The following MTSS2 variants were observed in gnomAD, a reference collection of about 807,000 sequenced individuals.
MTSS2 encodes MTSS I-BAR domain containing 2.
Under a neutral mutation model 67.1 loss-of-function variants are expected in MTSS2, and 27 were observed. The ratio of observed to expected loss-of-function variants is 0.40; its 90% CI spans 0.30 to 0.55. MTSS2 has a LOEUF of 0.55. MTSS2 is among the 20% of genes least tolerant of loss of function. The pLI, the probability that MTSS2 is intolerant of heterozygous loss-of-function variation, is 0.43. For missense variants in MTSS2, 1,171 were observed against 1,067.8 expected (o/e 1.10, Z -1.35); for synonymous variants, 624 against 468.6 (o/e 1.33, Z -4.28).
chr16:70,676,871 C>A lies in MTSS2; in HGVS notation c.830+10G>T, dbSNP rs1333036898. The stretch of plus-strand genomic sequence containing the variant: ...CCCCCCACACCCCTGGGAACCCCAC[C>A]CCCACTGACCTGCACATGCTGGACT... On this transcript the variant is annotated intron_variant, in intron 10 of 14. Transcript: ENST00000338779. 6.2e-7 allele frequency: 1 copy of A among 1,611,636 alleles called. No individual in the cohort carries two copies. Among genetic ancestry groups the A allele is most frequent in the African/African-American group, 1.3e-5 (1 of 74,862 alleles).
intron 4 of MTSS2, 44 bp downstream of exon 4, chr16:70,679,927 G>GGCCCCCCCCCCC: frequency 1.3e-6 from 2 of 1,491,350 alleles, no homozygotes; most frequent in Non-Finnish European, 1.8e-6. Flanking sequence ...CCCCCGCGAC[G>GGCCCCCCCCCCC]CCCCGTCCCC....
rs1180813764 is a variant in MTSS2, at chr16:70,685,765, G to A, written c.27C>T (p.Gly9=). 1.4e-6 allele frequency: 2 copies of A among 1,390,854 alleles called. No individual in the cohort carries two copies. Among genetic ancestry groups the A allele is most frequent in the African/African-American group, 1.5e-5 (1 of 66,274 alleles). The allele number at this position is 1,390,854 out of a possible 1,614,324, so 86.2% of individuals were successfully genotyped here. A position where few individuals can be genotyped will look rare whatever the true frequency, so the allele number is the denominator to read the frequency against. The part of the protein sequence containing the change: METAEKEC[G]ALGGLFQAIV... ...TGGCCTGGAAGAGCCCGCCCAGGGCGCCGCACTCCTTCTCCGCCGTCTCCA... is the reference window on the plus strand; with the variant it reads ...TGGCCTGGAAGAGCCCGCCCAGGGCACCGCACTCCTTCTCCGCCGTCTCCA... The change falls in exon 1 of 15, where the codon GGC becomes GGT. Residue 9 remains glycine (G), a synonymous_variant. Transcript: ENST00000338779.
Position 70,679,637 on chromosome 16 carries a change from C to G in MTSS2, c.450G>C (p.Ala150=). ...GGCCGCGCCAGGCACTACCTTTGCGCGCCTTCTTCTGCAGCTTCAGCGTGT... is the reference window on the plus strand; with the variant it reads ...GGCCGCGCCAGGCACTACCTTTGCGGGCCTTCTTCTGCAGCTTCAGCGTGT... ...SSDTLKLQKK[A]RKELLGKGDL... is the part of the protein sequence containing the mutation. The change falls in exon 6 of 15, where the codon GCG becomes GCC. Residue 150 remains alanine, a synonymous_variant. Coordinates refer to ENST00000338779, the MANE Select transcript of MTSS2 (RefSeq NM_138383.3). 6.2e-7 allele frequency: 1 copy of G among 1,604,550 alleles called. No homozygotes were observed. The highest frequency in any genetic ancestry group is 1.7e-5 in the Admixed American group (1 of 58,932).
At chr16:70,674,883 C>G (rs1036272718) in intron 10 of MTSS2, among the ~76,000 whole-genome samples, 40 of 152,242 alleles carry the variant, frequency 2.6e-4, no homozygotes, top group African/African-American at 8.7e-4. Context: ...GAGACCAAGG[C>G]GGGTGGATCA....
At chr16:70,671,867 C>T (rs1463434727) in intron 11 of MTSS2, among the ~76,000 whole-genome samples, 1 of 152,236 alleles carries the variant, frequency 6.6e-6, no homozygotes, top group Non-Finnish European at 1.5e-5. Flanking sequence ...CTGTGGTACT[C>T]TTGCCAAAAC....
chr16:70,684,296 C>A (rs1351298751), intron 1 of MTSS2, among the ~76,000 whole-genome samples: 1 of 149,972 alleles, frequency 6.7e-6, no homozygotes, highest in African/African-American at 2.5e-5. Context: ...CAGGTGGGGA[C>A]TGCTGGGGGC....
At chr16:70,665,287 G>A in intron 12 of MTSS2, 179 bp downstream of exon 12, 2 of 903,384 alleles carry the variant, frequency 2.2e-6, no homozygotes, top group East Asian at 2.7e-5. Context: ...GGTAAGATGT[G>A]GCTGTGTGGG....
chr16:70,680,488 G>A (rs1308708377), intron 3 of MTSS2, among the ~76,000 whole-genome samples: 1 of 152,200 alleles, frequency 6.6e-6, no homozygotes, highest in Non-Finnish European at 1.5e-5. Flanking sequence ...GCTCTTAGAA[G>A]GACACGAGGG....
At chr16:70,670,969 CAAAA>C (rs1166088540) in intron 11 of MTSS2, among the ~76,000 whole-genome samples, 6 of 32,968 alleles carry the variant, frequency 1.8e-4, no homozygotes, top group East Asian at 1.8e-3. Flanking sequence ...GACCCTGTCT[CAAAA>C]AAAAAAAAAA....
chr16:70,665,639 G>A (rs1291978224), intron 11 of MTSS2, 99 bp from the exon 12 acceptor site: 2 of 1,054,002 alleles, frequency 1.9e-6, no homozygotes, highest in East Asian at 5.2e-5. Context: ...TGGCATGCAG[G>A]GGGGCGGTTC....
chr16:70,686,020 G>GGGCAGCTCGCGGCGCA lies in MTSS2; in HGVS notation c.-245_-230dup, dbSNP rs2053448674. 3.4e-5 allele frequency: 5 copies of GGGCAGCTCGCGGCGCA among 148,116 alleles called. No homozygotes were observed. The South Asian group carries it at 9.0e-4, about 27-fold the overall frequency. 9.2% of individuals were successfully genotyped at this position (148,116 alleles called of 1,614,324 possible). ...GCGGGCGGCGCGGGGGGCGCGGCGCGGGCAGCTCGCGGCGCAGCCTCGGCG... is the reference window on the plus strand; with the variant it reads ...GCGGGCGGCGCGGGGGGCGCGGCGCGGGCAGCTCGCGGCGCAGGCAGCTCGCGGCGCAGCCTCGGCG... On this transcript the variant is annotated 5_prime_UTR_variant, in exon 1 of 15. Coordinates refer to ENST00000338779, the MANE Select transcript of MTSS2 (RefSeq NM_138383.3).
Position 70,664,353 on chromosome 16 carries a change from A to G in MTSS2, c.1568T>C (p.Ile523Thr), listed in dbSNP as rs764430940. 1.3e-6 allele frequency: 2 copies of G among 1,596,792 alleles called. No homozygotes were observed. Among genetic ancestry groups the G allele is most frequent in the Non-Finnish European group, 1.7e-6 (2 of 1,173,598 alleles). The change falls in exon 15 of 15, where the codon ATC becomes ACC. Residue 523 changes from isoleucine (I) to threonine (T), a missense_variant. This residue lies in a region of MTSS2 where 924 missense variants were observed against 756.0 expected (regional missense o/e 1.22). Coordinates refer to ENST00000338779, the MANE Select transcript of MTSS2 (RefSeq NM_138383.3). The stretch of plus-strand genomic sequence containing the variant: ...GATCAGGCGGCGGTAGTTCTGGGCG[A>G]TGTTGCTGTTGCGCGGGATGGTGGA... ...KSSTIPRNSN[I>T]AQNYRRLIQT... is the part of the protein sequence containing the mutation.
At position 70,678,369 on chromosome 16, in the gene MTSS2, C is replaced by T. The variant is rs1454267613; in HGVS notation, c.507G>A (p.Gln169=). 1.9e-6 allele frequency: 3 copies of T among 1,612,782 alleles called. No homozygotes were observed. Among genetic ancestry groups the T allele is most frequent in the African/African-American group, 2.7e-5 (2 of 74,956 alleles). Residue 169 remains glutamine (Q), a synonymous_variant, in exon 8 of 15, where the codon CAG becomes CAA. Transcript: ENST00000338779. The part of the protein sequence containing the change: ...DLQPQLDSAL[Q]DVNDMYLLLE... ...GCAGCAGGTACATGTCGTTGACGTC[C>T]TGCAGGGCACTGTCCAGCTGGGGCT...
At chr16:70,677,959 GC>G (rs2053175011) in intron 8 of MTSS2, 60 bp from the exon 9 acceptor site, 8 of 1,367,566 alleles carry the variant, frequency 5.8e-6, no homozygotes, top group Non-Finnish European at 8.1e-6. Flanking sequence ...CCTGCCCAGC[GC>G]CCCTGGAGAA....
At chr16:70,678,019 A>G in intron 8 of MTSS2, 120 bp from the exon 9 acceptor site, 4 of 994,944 alleles carry the variant, frequency 4.0e-6, no homozygotes, top group South Asian at 1.6e-5. Flanking sequence ...CTCGCTAACC[A>G]ATGCTGCTCG....
At chr16:70,679,393 G>T in intron 6 of MTSS2, 70 bp from the exon 7 acceptor site, 2 of 1,587,150 alleles carry the variant, frequency 1.3e-6, no homozygotes. Context: ...ACGCCGGATG[G>T]ACAGAGCCAC....
Position 70,685,746 on chromosome 16 carries a change from G to A in MTSS2, c.46C>T (p.Gln16Ter). The A allele has an allele frequency of 7.2e-7, 1 of 1,395,568 alleles. No homozygotes were observed. Among genetic ancestry groups the A allele is most frequent in the Non-Finnish European group, 9.5e-7 (1 of 1,055,204 alleles). The allele number at this position is 1,395,568 out of a possible 1,614,324, so 86.4% of individuals were successfully genotyped here. Residue 16 changes from glutamine (Q) to a stop codon, truncating the protein, a stop_gained, in exon 1 of 15, where the codon CAG becomes TAG. Transcript: ENST00000338779. LOFTEE classifies it high-confidence loss of function. ...KECGALGGLF[Q>*]AIVNDMKSSY... ...ACCTTCATGTCGTTGACTATGGCCT[G>A]GAAGAGCCCGCCCAGGGCGCCGCAC...
In MTSS2 at chr16:70,664,031, G is replaced by A. The variant is rs368962043; in HGVS notation, c.1890C>T (p.Leu630=). The A allele has an allele frequency of 3.5e-5, 57 of 1,607,856 alleles. No homozygotes were observed. Among genetic ancestry groups the A allele is most frequent in the African/African-American group, 1.6e-4 (12 of 74,878 alleles). Residue 630 remains leucine, a synonymous_variant, in exon 15 of 15, where the codon CTC becomes CTT. Coordinates refer to ENST00000338779, the MANE Select transcript of MTSS2 (RefSeq NM_138383.3). ...DETASPLAPD[L]AKASPKRLSL... ...TGAGCCTCTTTGGGGAGGCCTTGGC[G>A]AGGTCCGGTGCCAGGGGTGAGGCGG...
chr16:70,678,198 G>A (rs2053181978), intron 8 of MTSS2, 54 bp downstream of exon 8: 3 of 1,542,308 alleles, frequency 1.9e-6, no homozygotes, highest in Admixed American at 1.9e-5. Context: ...AGGTCAGAAG[G>A]TCAACCCTGG....
Sources: gnomAD v4.1 joint callset for allele counts (sites outside exome capture counted in the v4.1 genomes callset) on GRCh38, gnomAD v4.1.1 for gene constraint, gnomAD v4.1.1 regional missense constraint, MANE v1.5 for transcripts, NCBI Gene and HGNC (gene_info 2026-07-23, HGNC 2026-07-21) for gene names.